FMN1: variants seen among roughly 807,000 people sequenced by gnomAD.
FMN1 encodes the protein formin 1.
In FMN1, 110 loss-of-function variants were observed where a neutral mutation model predicts 132.4. The observed-to-expected ratio is 0.83, with a 90% CI of 0.71 to 0.97. FMN1 has a LOEUF of 0.97. FMN1 is among the 50% of genes least tolerant of loss of function. The probability of loss-of-function intolerance (pLI) is 0.00; values close to 1 mark genes in which losing one functional copy is unlikely to be tolerated. For missense variants in FMN1, 1,792 were observed against 1,705.3 expected, an observed-to-expected ratio of 1.05 and a Z score of -0.90; for synonymous variants, 722 against 651.7, an observed-to-expected ratio of 1.11 and a Z score of -1.64.
At chr15:33,011,553 T>C (rs1438710946) in intron 6 of FMN1, among the ~76,000 whole-genome samples, 2 of 152,184 alleles carry the variant, frequency 1.3e-5, no homozygotes, top group Admixed American at 6.5e-5. Flanking sequence ...AAGCAATATA[T>C]ATAGAGGAAA....
chr15:32,794,479 G>A lies in FMN1; in HGVS notation c.4130+4325C>T, dbSNP rs570936780. On this transcript the variant is annotated intron_variant, in intron 19 of 20. Coordinates refer to ENST00000616417, the MANE Select transcript of FMN1 (RefSeq NM_001277313.2). ...GGGAGGCAGTGCTTCGTGTGCATGC[G>A]CGGGCATATGTGGGGGCAGTCTTAG... 3.9e-5 allele frequency among the ~76,000 whole-genome samples: 6 copies of A among 152,126 alleles called. No individual in the cohort carries two copies. The East Asian group carries it at 7.7e-4, about 20-fold the overall frequency.
intron 16 of FMN1, among the ~76,000 whole-genome samples, chr15:32,859,534 A>T (rs2059215173): frequency 6.6e-6 from 1 of 152,238 alleles, no homozygotes; most frequent in Non-Finnish European, 1.5e-5. Flanking sequence ...AGCTTCTCTG[A>T]GATGCCAACA....
At chr15:32,794,213 T>G (rs2057197139) in intron 19 of FMN1, among the ~76,000 whole-genome samples, 1 of 152,308 alleles carries the variant, frequency 6.6e-6, no homozygotes, top group Middle Eastern at 3.4e-3. Context: ...AAAAACAAGA[T>G]AACTATCCAT....
intron 9 of FMN1, among the ~76,000 whole-genome samples, chr15:32,952,621 A>G (rs2061678711): frequency 6.6e-6 from 1 of 152,166 alleles, no homozygotes; most frequent in Non-Finnish European, 1.5e-5. Flanking sequence ...CAGAGTCCAC[A>G]AGAGAGTAAA....
At chr15:32,953,730 A>G (rs1465693635) in intron 9 of FMN1, among the ~76,000 whole-genome samples, 1 of 152,192 alleles carries the variant, frequency 6.6e-6, no homozygotes, top group Non-Finnish European at 1.5e-5. Flanking sequence ...GGGCCACCCC[A>G]GCACAACGGG....
intron 7 of FMN1, among the ~76,000 whole-genome samples, chr15:32,980,957 T>C (rs371153172): frequency 6.6e-6 from 1 of 152,216 alleles, no homozygotes; most frequent in Non-Finnish European, 1.5e-5. Context: ...GAGGTTGCAG[T>C]AAGCAGAGAT....
chr15:32,922,983 A>AT (rs1271713274), intron 10 of FMN1, among the ~76,000 whole-genome samples: 6 of 152,134 alleles, frequency 3.9e-5, no homozygotes, highest in Admixed American at 1.3e-4. Context: ...AAATGTGACA[A>AT]TTTTTTTTGT....
chr15:32,917,123 T>C (rs899936484), intron 10 of FMN1, among the ~76,000 whole-genome samples: 1 of 151,986 alleles, frequency 6.6e-6, no homozygotes, highest in Non-Finnish European at 1.5e-5. Context: ...ACCAAGTCTA[T>C]GAAAAAAACT....
rs371261228 is a variant in FMN1 at position 32,950,028 on chromosome 15, T to TAC, written c.3138+14078_3138+14079insGT. Among the ~76,000 whole-genome samples the TAC allele has an allele frequency of 8.8e-3, 55 of 6,224 alleles. 2 individuals carry two copies. The highest frequency in any genetic ancestry group is 0.012 in the Non-Finnish European group (33 of 2,802). 4.1% of individuals were successfully genotyped at this position (6,224 alleles called of 152,430 possible). A position where few individuals can be genotyped will look rare whatever the true frequency, so the allele number is the denominator to read the frequency against. ...ACATATATATATACACATATATATA[T>TAC]ATATACACATATATATATATATACA... is the stretch of plus-strand genomic sequence containing the variant. On this transcript the variant is annotated intron_variant, in intron 9 of 20. Transcript: ENST00000616417.
intron 4 of FMN1, among the ~76,000 whole-genome samples, chr15:33,123,555 C>T (rs1181459995): frequency 1.3e-5 from 2 of 152,086 alleles, no homozygotes; most frequent in African/African-American, 4.8e-5. Flanking sequence ...CACCCTAAAA[C>T]CAAGAATATT....
intron 4 of FMN1, among the ~76,000 whole-genome samples, chr15:33,101,250 T>C (rs2039282319): frequency 6.6e-6 from 1 of 152,216 alleles, no homozygotes; most frequent in South Asian, 2.1e-4. Context: ...CAATGATGTA[T>C]TATTTCAAGA....
intron 17 of FMN1, among the ~76,000 whole-genome samples, chr15:32,822,920 CTGT>C (rs1208142015): frequency 4.6e-5 from 7 of 152,072 alleles, no homozygotes; most frequent in African/African-American, 2.4e-5. Context: ...TGGCTTTCCT[CTGT>C]TGTTGATTCT....
chr15:33,091,933 A>T lies in FMN1; in HGVS notation c.1868-2959T>A, dbSNP rs2038918797. ...TAGAGAATATTTTGTGAAAAACTGA[A>T]TCAGTCTTATCAGTTTAAACATGTC... On this transcript the variant is annotated intron_variant, in intron 4 of 20. Transcript: ENST00000616417. Among the ~76,000 whole-genome samples the T allele has an allele frequency of 1.9e-4, 29 of 152,314 alleles. No individual in the cohort carries two copies. The South Asian group carries it at 6.0e-3, about 32-fold the overall frequency.
intron 4 of FMN1, among the ~76,000 whole-genome samples, chr15:33,119,532 A>T (rs1962352689): frequency 6.6e-6 from 1 of 152,242 alleles, no homozygotes. Context: ...TGGGCCAGAC[A>T]GGTTTCGCCA....
At chr15:32,973,121 A>T (rs1323071548) in intron 7 of FMN1, among the ~76,000 whole-genome samples, 3 of 152,220 alleles carry the variant, frequency 2.0e-5, no homozygotes, top group African/African-American at 7.2e-5. Flanking sequence ...AGATTTTGAA[A>T]AAATAAATAA....
chr15:32,933,530 T>TA (rs1328412668), intron 9 of FMN1, among the ~76,000 whole-genome samples: 1 of 152,202 alleles, frequency 6.6e-6, no homozygotes, highest in African/African-American at 2.4e-5. Context: ...CCTTATTGTT[T>TA]ATCTATCTTG....
At chr15:33,050,386 T>C (rs1034304819) in intron 6 of FMN1, among the ~76,000 whole-genome samples, 8 of 149,996 alleles carry the variant, frequency 5.3e-5, no homozygotes, top group African/African-American at 2.0e-4. Context: ...CATACAATGA[T>C]AAAAGGATTT....
intron 4 of FMN1, among the ~76,000 whole-genome samples, chr15:33,109,731 A>G (rs1338512761): frequency 2.0e-5 from 3 of 151,922 alleles, no homozygotes; most frequent in Non-Finnish European, 4.4e-5. Flanking sequence ...ACAATATTCG[A>G]TACTGGGCCT....
At chr15:32,818,760 T>A (rs1484435034) in intron 17 of FMN1, among the ~76,000 whole-genome samples, 1 of 152,118 alleles carries the variant, frequency 6.6e-6, no homozygotes, top group Non-Finnish European at 1.5e-5. Context: ...CCTCTGTGTA[T>A]ATGACAAGCC....
Sources: gnomAD v4.1 joint callset for allele counts (sites outside exome capture counted in the v4.1 genomes callset) on GRCh38, gnomAD v4.1.1 for gene constraint, MANE v1.5 for transcripts, NCBI Gene and HGNC (gene_info 2026-07-23, HGNC 2026-07-21) for gene names.